PCCA: variants seen among roughly 807,000 people sequenced by gnomAD.
PCCA encodes propionyl-CoA carboxylase subunit alpha.
PCCA carries 74 observed loss-of-function variants against 101.3 expected under a neutral mutation model. The ratio of observed to expected loss-of-function variants is 0.73; its 90% CI spans 0.61 to 0.89. PCCA has a LOEUF of 0.89. Ranked by LOEUF, PCCA falls within the 40% of genes least tolerant of loss-of-function variation. The pLI is 0.00. For missense variants in PCCA, 891 were observed against 907.0 expected (o/e 0.98, Z 0.23); for synonymous variants, 294 against 313.6 (o/e 0.94, Z 0.66).
At chr13:100,527,163 G>T in intron 22 of PCCA, 1 of 377,592 alleles carries the variant, frequency 2.6e-6, no homozygotes, top group Non-Finnish European at 5.3e-6. Flanking sequence ...GCCCTTTAAC[G>T]TGTACGATTC....
At chr13:100,507,892 A>G (rs1398682719) in intron 21 of PCCA, among the ~76,000 whole-genome samples, 1 of 152,040 alleles carries the variant, frequency 6.6e-6, no homozygotes, top group Non-Finnish European at 1.5e-5. Context: ...TCCTGACCTC[A>G]TGATCCTCCA....
At chr13:100,218,341 G>GTT (rs1490601851) in intron 7 of PCCA, among the ~76,000 whole-genome samples, 4 of 133,464 alleles carry the variant, frequency 3.0e-5, no homozygotes, top group African/African-American at 1.1e-4. Flanking sequence ...CTGGCTATGG[G>GTT]TTGTTTTTTT....
intron 16 of PCCA, among the ~76,000 whole-genome samples, chr13:100,320,449 T>C (rs530624652): frequency 2.0e-5 from 3 of 152,356 alleles, no homozygotes; most frequent in African/African-American, 7.2e-5. Context: ...CAGTATGATA[T>C]TGGCTGTGGG....
intron 10 of PCCA, among the ~76,000 whole-genome samples, chr13:100,266,724 A>C (rs978302405): frequency 3.3e-5 from 5 of 152,292 alleles, no homozygotes; most frequent in Admixed American, 3.3e-4. Flanking sequence ...GGTAGTGTGA[A>C]TGGCACCTCT....
rs140795575 is a variant in PCCA at position 100,103,230 on chromosome 13, ATAAC to A, written c.183+274_183+277del. On this transcript the variant is annotated intron_variant, in intron 2 of 23. Coordinates refer to ENST00000376285, the MANE Select transcript of PCCA (RefSeq NM_000282.4). ...ATGTGTTTCCTTTGTTTCCAGCAGA[ATAAC>A]TAAGAAAACATTTGTTCTTAAAGAC... Among the ~76,000 whole-genome samples the A allele has an allele frequency of 0.023, 3,518 of 152,320 alleles. 136 individuals carry two copies. Among genetic ancestry groups the A allele is most frequent in the African/African-American group, 0.08 (3,334 of 41,552 alleles).
At chr13:100,399,839 T>TCAGGTA (rs1418485144) in intron 19 of PCCA, among the ~76,000 whole-genome samples, 2 of 152,224 alleles carry the variant, frequency 1.3e-5, no homozygotes, top group Non-Finnish European at 1.5e-5. Flanking sequence ...GGTAACCTTT[T>TCAGGTA]ACAGCTATCT....
intron 20 of PCCA, among the ~76,000 whole-genome samples, chr13:100,431,083 T>G (rs2079517379): frequency 6.6e-6 from 1 of 152,206 alleles, no homozygotes; most frequent in Non-Finnish European, 1.5e-5. Context: ...CTTAACATTT[T>G]TTTTCACATC....
At chr13:100,511,222 T>C (rs1397677461) in intron 21 of PCCA, among the ~76,000 whole-genome samples, 1 of 152,204 alleles carries the variant, frequency 6.6e-6, no homozygotes, top group Non-Finnish European at 1.5e-5. Flanking sequence ...ACGCCAGTGT[T>C]TTTAAAGATG....
At chr13:100,213,886 C>A (rs1161084983) in intron 7 of PCCA, among the ~76,000 whole-genome samples, 1 of 152,080 alleles carries the variant, frequency 6.6e-6, no homozygotes, top group Non-Finnish European at 1.5e-5. Flanking sequence ...AATTTTCAAT[C>A]CATTTTGATT....
chr13:100,108,729 A>G (rs1476118953), intron 2 of PCCA, among the ~76,000 whole-genome samples: 1 of 152,192 alleles, frequency 6.6e-6, no homozygotes, highest in African/African-American at 2.4e-5. Flanking sequence ...GTTGATGCAG[A>G]GGGGCAGTTT....
At chr13:100,274,433 TA>T (rs2063504875) in intron 12 of PCCA, among the ~76,000 whole-genome samples, 1 of 152,176 alleles carries the variant, frequency 6.6e-6, no homozygotes, top group Non-Finnish European at 1.5e-5. Context: ...GTTAGTTTGC[TA>T]GGACTACCAT....
chr13:100,451,716 CT>C lies in PCCA; in HGVS notation c.1899+2412del, dbSNP rs35895984. 3.5e-3 allele frequency among the ~76,000 whole-genome samples: 5 copies of C among 1,410 alleles called. No homozygotes were observed. The South Asian group carries it at 0.15, about 41-fold the overall frequency. 0.9% of individuals were successfully genotyped at this position (1,410 alleles called of 152,430 possible). ...TCCTCTTCCCCTCCTCTCCTCTCTCCTCTCTCTCTCTCTCTCTCTCTCTTCT... is the reference window on the plus strand; with the variant it reads ...TCCTCTTCCCCTCCTCTCCTCTCTCCCTCTCTCTCTCTCTCTCTCTCTTCT... On this transcript the variant is annotated intron_variant, in intron 21 of 23. Coordinates refer to ENST00000376285, the MANE Select transcript of PCCA (RefSeq NM_000282.4).
At chr13:100,111,747 C>T in intron 2 of PCCA, 94 bp from the exon 3 acceptor site, 1 of 744,436 alleles carries the variant, frequency 1.3e-6, no homozygotes, top group Admixed American at 2.0e-5. Context: ...GGGTTATATT[C>T]AGTGTTGATG....
intron 18 of PCCA, among the ~76,000 whole-genome samples, chr13:100,355,313 A>C (rs985550296): frequency 1.3e-5 from 2 of 152,166 alleles, no homozygotes; most frequent in African/African-American, 4.8e-5. Context: ...CCTCAGACTG[A>C]TGAGGAGCAT....
chr13:100,241,880 A>G (rs975890641), intron 8 of PCCA, among the ~76,000 whole-genome samples: 1 of 152,156 alleles, frequency 6.6e-6, no homozygotes, highest in Non-Finnish European at 1.5e-5. Context: ...CCTGTTTTCA[A>G]TTATTTTGGG....
At chr13:100,523,009 G>C (rs1271458112) in intron 22 of PCCA, among the ~76,000 whole-genome samples, 1 of 152,170 alleles carries the variant, frequency 6.6e-6, no homozygotes, top group Non-Finnish European at 1.5e-5. Flanking sequence ...TTTTATGTTT[G>C]GTGGTCTTTT....
intron 18 of PCCA, among the ~76,000 whole-genome samples, chr13:100,345,325 T>C (rs973685058): frequency 6.6e-6 from 1 of 152,206 alleles, no homozygotes; most frequent in Admixed American, 6.5e-5. Context: ...AACACACAAA[T>C]GATAAGAAAG....
intron 19 of PCCA, among the ~76,000 whole-genome samples, chr13:100,408,770 A>G (rs935595377): frequency 1.1e-4 from 17 of 152,208 alleles, no homozygotes; most frequent in African/African-American, 3.6e-4. Context: ...TGCAGAGAAT[A>G]CAAACAGTGA....
At chr13:100,467,664 C>T (rs1048345505) in intron 21 of PCCA, among the ~76,000 whole-genome samples, 6 of 152,268 alleles carry the variant, frequency 3.9e-5, no homozygotes, top group African/African-American at 1.4e-4. Context: ...GCCACCGCGC[C>T]TGGCATCAAG....
Sources: allele counts gnomAD v4.1 joint callset (sites outside exome capture counted in the v4.1 genomes callset), GRCh38; gene constraint gnomAD v4.1.1; transcripts MANE v1.5; gene names NCBI Gene and HGNC (gene_info 2026-07-23, HGNC 2026-07-21).